SLC39A12: variants seen among roughly 807,000 people sequenced by gnomAD.
SLC39A12 encodes the protein solute carrier family 39 member 12.
Under a neutral mutation model 71.1 loss-of-function variants are expected in SLC39A12, and 63 were observed. That is an observed-to-expected ratio of 0.89 (90% confidence interval 0.72 to 1.09). The LOEUF is 1.09. Among genes scored for constraint, SLC39A12 ranks in the 50% least tolerant of loss-of-function variants. SLC39A12 has a pLI of 0.00. For missense variants in SLC39A12, 892 were observed against 812.6 expected, an observed-to-expected ratio of 1.10 and a Z score of -1.19; for synonymous variants, 351 against 301.3, an observed-to-expected ratio of 1.16 and a Z score of -1.71.
At chr10:17,992,870 C>T (rs1835589457) in intron 8 of SLC39A12, among the ~76,000 whole-genome samples, 1 of 152,128 alleles carries the variant, frequency 6.6e-6, no homozygotes, top group Non-Finnish European at 1.5e-5. Flanking sequence ...TTTTAGTAGT[C>T]ACAGGGTACA....
chr10:18,038,293 A>G (rs192581821), intron 12 of SLC39A12, among the ~76,000 whole-genome samples: 7 of 152,244 alleles, frequency 4.6e-5, no homozygotes, highest in Admixed American at 3.9e-4. Context: ...ATTCAATTCA[A>G]TAGGTATTAA....
chr10:17,965,838 T>C (rs140349798), intron 4 of SLC39A12, 148 bp downstream of exon 4: 1 of 706,186 alleles, frequency 1.4e-6, no homozygotes, highest in Non-Finnish European at 2.3e-6. Flanking sequence ...AGACAGCTTA[T>C]GTGGCCTTTC....
At chr10:18,011,058 GC>G (rs1836204457) in intron 12 of SLC39A12, among the ~76,000 whole-genome samples, 1 of 151,044 alleles carries the variant, frequency 6.6e-6, no homozygotes, top group Non-Finnish European at 1.5e-5. Context: ...AAGCCCAGGC[GC>G]CCCCTCCAGG....
chr10:18,022,315 T>G (rs1161245986), intron 12 of SLC39A12, among the ~76,000 whole-genome samples: 2 of 152,122 alleles, frequency 1.3e-5, no homozygotes, highest in African/African-American at 2.4e-5. Context: ...GAGGTTTTGT[T>G]TATTTTTTTT....
intron 12 of SLC39A12, among the ~76,000 whole-genome samples, chr10:18,039,470 G>A (rs1837158293): frequency 6.6e-6 from 1 of 152,206 alleles, no homozygotes. Flanking sequence ...GCTTATGCCT[G>A]TAATTCCAAC....
chr10:17,978,781 T>C (rs773145829), intron 5 of SLC39A12, among the ~76,000 whole-genome samples: 34 of 152,232 alleles, frequency 2.2e-4, no homozygotes, highest in Non-Finnish European at 4.6e-4. Flanking sequence ...GTGACTTTCT[T>C]TGTGATTCTT....
At chr10:17,969,033 T>C (rs1170088533) in intron 4 of SLC39A12, among the ~76,000 whole-genome samples, 1 of 152,194 alleles carries the variant, frequency 6.6e-6, no homozygotes, top group East Asian at 1.9e-4. Context: ...TAAGTGAGAA[T>C]ATGCAATGTT....
intron 4 of SLC39A12, among the ~76,000 whole-genome samples, chr10:17,967,814 G>A (rs1288403469): frequency 4.0e-5 from 6 of 150,684 alleles, no homozygotes; most frequent in African/African-American, 1.5e-4. Flanking sequence ...GTGAACCCAG[G>A]AGGCGGAGCT....
At chr10:18,001,492 C>T (rs914436766) in intron 11 of SLC39A12, among the ~76,000 whole-genome samples, 1 of 152,020 alleles carries the variant, frequency 6.6e-6, no homozygotes, top group African/African-American at 2.4e-5. Flanking sequence ...CCAGCCTGGG[C>T]AACAGAGTGA....
intron 6 of SLC39A12, among the ~76,000 whole-genome samples, chr10:17,983,129 A>C (rs916898935): frequency 7.1e-6 from 1 of 141,270 alleles, no homozygotes; most frequent in Non-Finnish European, 1.5e-5. Context: ...GGTCAGCACC[A>C]CTGCACTCCA....
At chr10:18,003,835 A>C (rs1835911357) in intron 12 of SLC39A12, among the ~76,000 whole-genome samples, 1 of 152,222 alleles carries the variant, frequency 6.6e-6, no homozygotes, top group Non-Finnish European at 1.5e-5. Context: ...AATTCAACTG[A>C]ATTTGTCATT....
chr10:18,042,247 A>G (rs1026808968), intron 12 of SLC39A12, among the ~76,000 whole-genome samples: 2 of 152,184 alleles, frequency 1.3e-5, no homozygotes, highest in African/African-American at 2.4e-5. Flanking sequence ...GGAGGCCGCA[A>G]CATGCAGGTT....
At chr10:17,990,388 C>T (rs896309924) in intron 7 of SLC39A12, among the ~76,000 whole-genome samples, 4 of 152,080 alleles carry the variant, frequency 2.6e-5, no homozygotes, top group African/African-American at 9.7e-5. Flanking sequence ...AATCTATACA[C>T]ATATAATTTC....
intron 7 of SLC39A12, among the ~76,000 whole-genome samples, chr10:17,990,886 T>A (rs972170496): frequency 1.3e-5 from 2 of 152,374 alleles, no homozygotes; most frequent in South Asian, 4.1e-4. Flanking sequence ...TTAGGCTTCA[T>A]TCTGTTCATT....
chr10:17,989,271 G>T (rs1835480171), intron 7 of SLC39A12, among the ~76,000 whole-genome samples: 1 of 152,194 alleles, frequency 6.6e-6, no homozygotes, highest in Non-Finnish European at 1.5e-5. Flanking sequence ...TTGCTTCGAG[G>T]CTCAATTGTT....
chr10:18,032,775 T>A (rs2130894438), intron 12 of SLC39A12, among the ~76,000 whole-genome samples: 1 of 152,016 alleles, frequency 6.6e-6, no homozygotes, highest in Non-Finnish European at 1.5e-5. Context: ...AATATGATAT[T>A]GGCTGTGGCT....
intron 2 of SLC39A12, among the ~76,000 whole-genome samples, chr10:17,959,880 C>T (rs937242618): frequency 1.3e-5 from 2 of 152,176 alleles, no homozygotes; most frequent in Non-Finnish European, 2.9e-5. Flanking sequence ...AAGACTTTTC[C>T]TCTAACATCT....
chr10:17,965,978 A>G (rs1834816548), intron 4 of SLC39A12, among the ~76,000 whole-genome samples: 1 of 152,198 alleles, frequency 6.6e-6, no homozygotes, highest in African/African-American at 2.4e-5. Context: ...TACTAACTGA[A>G]TAGTTTCTTA....
At chr10:18,023,740 G>A (rs1357342706) in intron 12 of SLC39A12, among the ~76,000 whole-genome samples, 1 of 152,188 alleles carries the variant, frequency 6.6e-6, no homozygotes, top group African/African-American at 2.4e-5. Context: ...AGCAAGGGTA[G>A]TTCCTCTGTA....
Sources: allele counts gnomAD v4.1 joint callset (sites outside exome capture counted in the v4.1 genomes callset), GRCh38; gene constraint gnomAD v4.1.1; transcripts MANE v1.5; gene names NCBI Gene and HGNC (gene_info 2026-07-23, HGNC 2026-07-21).